GALNTL6: variants seen among roughly 807,000 people sequenced by gnomAD.
The protein encoded by GALNTL6 is polypeptide N-acetylgalactosaminyltransferase like 6.
In GALNTL6, 46 loss-of-function variants were observed where a neutral mutation model predicts 73.7. The observed-to-expected ratio is 0.62, with a 90% CI of 0.49 to 0.80. GALNTL6 has a LOEUF of 0.80. Among genes scored for constraint, GALNTL6 ranks in the 30% least tolerant of loss-of-function variants. GALNTL6 has a pLI of 0.00. For missense variants in GALNTL6, 604 were observed against 755.0 expected (o/e 0.80, Z 2.34); for synonymous variants, 259 against 263.7 (o/e 0.98, Z 0.17).
intron 2 of GALNTL6, among the ~76,000 whole-genome samples, chr4:171,911,716 A>G (rs1182806153): frequency 6.6e-6 from 1 of 152,196 alleles, no homozygotes; most frequent in Non-Finnish European, 1.5e-5. Flanking sequence ...ATCAAAGTCT[A>G]TGCAAATTTC....
intron 5 of GALNTL6, among the ~76,000 whole-genome samples, chr4:172,563,688 A>G (rs142889822): frequency 0.011 from 1,673 of 152,334 alleles, 16 homozygotes; most frequent in South Asian, 0.022. Context: ...GGATCACTGT[A>G]ACAGTCAGAC....
rs141262220 is a variant in GALNTL6, at chr4:172,206,138, A to G, written c.139-23518A>G. Among the ~76,000 whole-genome samples, 37 of 152,310 alleles carry G rather than the reference A, an allele frequency of 2.4e-4. No individual in the cohort carries two copies. In the East Asian group the frequency reaches 4.0e-3, roughly 17 times the overall value. ...AAAATGAACTAATTTCTAGTGAGAA[A>G]ACATTTAAACATCCTCCGCTCTTCC... On this transcript the variant is annotated intron_variant, in intron 2 of 12. Transcript: ENST00000506823.
At chr4:171,864,447 A>C (rs974511441) in intron 2 of GALNTL6, among the ~76,000 whole-genome samples, 3 of 152,222 alleles carry the variant, frequency 2.0e-5, no homozygotes, top group African/African-American at 7.2e-5. Flanking sequence ...CATAGTCAGA[A>C]ATTTTATTTC....
Position 172,750,185 on chromosome 4 carries a change from C to A in GALNTL6, c.554-59176C>A, listed in dbSNP as rs143450688. On this transcript the variant is annotated intron_variant, in intron 5 of 12. Coordinates refer to ENST00000506823, the MANE Select transcript of GALNTL6 (RefSeq NM_001034845.3). The stretch of plus-strand genomic sequence containing the variant: ...TATATTTGTCTCCAGTTCAGGGTTG[C>A]GGGTGGATAGAGCCTCAATTTTGAG... Among the ~76,000 whole-genome samples, 202 of 152,138 alleles carry A rather than the reference C, an allele frequency of 1.3e-3. 1 individual carries two copies. The highest frequency in any genetic ancestry group is 4.7e-3 in the African/African-American group (193 of 41,484).
In GALNTL6 at chr4:172,600,278, G is replaced by T. The variant is rs953664628; in HGVS notation, c.554-209083G>T. On this transcript the variant is annotated intron_variant, in intron 5 of 12. Coordinates refer to ENST00000506823, the MANE Select transcript of GALNTL6 (RefSeq NM_001034845.3). ...ACTTAAAAAAAAATCTTTAACAAAAGATTTCAACAACTGAAAACTAAGCAG... is the reference window on the plus strand; with the variant it reads ...ACTTAAAAAAAAATCTTTAACAAAATATTTCAACAACTGAAAACTAAGCAG... 2.0e-5 allele frequency among the ~76,000 whole-genome samples: 3 copies of T among 151,954 alleles called. 1 individual carries two copies. The highest frequency in any genetic ancestry group is 1.3e-4 in the Admixed American group (2 of 15,222).
intron 2 of GALNTL6, among the ~76,000 whole-genome samples, chr4:172,149,785 C>G (rs993073004): frequency 1.3e-5 from 2 of 152,174 alleles, no homozygotes; most frequent in African/African-American, 4.8e-5. Context: ...ACTTGTTGCT[C>G]ACTTCATTAT....
At chr4:172,753,609 T>G (rs1176963672) in intron 5 of GALNTL6, among the ~76,000 whole-genome samples, 2 of 152,128 alleles carry the variant, frequency 1.3e-5, no homozygotes, top group South Asian at 2.1e-4. Context: ...TGCAACACAA[T>G]TTGAAACAGA....
chr4:172,952,978 T>C (rs762460833), intron 10 of GALNTL6, among the ~76,000 whole-genome samples: 4 of 152,224 alleles, frequency 2.6e-5, no homozygotes, highest in Non-Finnish European at 5.9e-5. Context: ...CTTGCTGCTA[T>C]TGGTATATGC....
intron 7 of GALNTL6, among the ~76,000 whole-genome samples, chr4:172,852,527 G>C (rs1453815381): frequency 6.6e-6 from 1 of 152,152 alleles, no homozygotes; most frequent in Non-Finnish European, 1.5e-5. Flanking sequence ...CACTGTGAAA[G>C]GGGGACATAA....
intron 2 of GALNTL6, among the ~76,000 whole-genome samples, chr4:171,942,647 A>T (rs1738584803): frequency 6.6e-6 from 1 of 152,202 alleles, no homozygotes; most frequent in South Asian, 2.1e-4. Flanking sequence ...TCACCTACAG[A>T]ATATTTTGTT....
At position 172,981,361 on chromosome 4, in the gene GALNTL6, T is replaced by G. The variant is rs147316553; in HGVS notation, c.1372-27817T>G. Among the ~76,000 whole-genome samples, 350 of 152,336 alleles carry G rather than the reference T, an allele frequency of 2.3e-3. 1 individual carries two copies. The highest frequency in any genetic ancestry group is 0.02 in the Middle Eastern group (6 of 294). On this transcript the variant is annotated intron_variant, in intron 10 of 12. Coordinates refer to ENST00000506823, the MANE Select transcript of GALNTL6 (RefSeq NM_001034845.3). ...AATTTCTCCACATACTTGCCAACAC[T>G]TGTAGTTTTCCACTGTTGCTGGGTT...
At chr4:172,689,765 G>T (rs1733154266) in intron 5 of GALNTL6, among the ~76,000 whole-genome samples, 1 of 152,112 alleles carries the variant, frequency 6.6e-6, no homozygotes, top group Admixed American at 6.6e-5. Flanking sequence ...TAGAAATAAA[G>T]AAAACTGTAT....
intron 5 of GALNTL6, among the ~76,000 whole-genome samples, chr4:172,655,683 C>A (rs1730961599): frequency 6.6e-6 from 1 of 152,162 alleles, no homozygotes; most frequent in Non-Finnish European, 1.5e-5. Flanking sequence ...AAATTTTCTA[C>A]ATTATAATTT....
intron 8 of GALNTL6, among the ~76,000 whole-genome samples, chr4:172,925,461 A>T (rs1304071494): frequency 2.6e-5 from 4 of 152,328 alleles, no homozygotes; most frequent in Non-Finnish European, 2.9e-5. Flanking sequence ...TCAACGTTAC[A>T]TGGTAAAAGA....
chr4:172,974,339 C>T (rs1313793727), intron 10 of GALNTL6, among the ~76,000 whole-genome samples: 4 of 152,140 alleles, frequency 2.6e-5, no homozygotes, highest in Non-Finnish European at 5.9e-5. Context: ...CTCTCTCTCT[C>T]CCCCATTTCT....
chr4:172,272,224 G>A (rs948120225), intron 3 of GALNTL6, among the ~76,000 whole-genome samples: 1 of 152,118 alleles, frequency 6.6e-6, no homozygotes, highest in African/African-American at 2.4e-5. Context: ...CAAATTGCTG[G>A]GATTACAGGT....
chr4:172,593,435 A>G (rs1056306051), intron 5 of GALNTL6, among the ~76,000 whole-genome samples: 8 of 152,240 alleles, frequency 5.3e-5, no homozygotes, highest in African/African-American at 1.9e-4. Flanking sequence ...GGCATAGAAT[A>G]TACAATGGAC....
intron 5 of GALNTL6, among the ~76,000 whole-genome samples, chr4:172,778,036 A>G (rs895020260): frequency 6.6e-6 from 1 of 152,238 alleles, no homozygotes; most frequent in Non-Finnish European, 1.5e-5. Context: ...CCTCTTCGTA[A>G]TTATGTAGCA....
intron 2 of GALNTL6, among the ~76,000 whole-genome samples, chr4:172,066,701 C>A (rs1356637658): frequency 6.6e-6 from 1 of 152,058 alleles, no homozygotes; most frequent in Admixed American, 6.6e-5. Context: ...GATAGTGTCA[C>A]CCTATTGCAT....
Sources: gnomAD v4.1 joint callset for allele counts (sites outside exome capture counted in the v4.1 genomes callset) on GRCh38, gnomAD v4.1.1 for gene constraint, MANE v1.5 for transcripts, NCBI Gene and HGNC (gene_info 2026-07-23, HGNC 2026-07-21) for gene names.